ABCG8: variants seen among roughly 807,000 people sequenced by gnomAD.
ABCG8 encodes ATP binding cassette subfamily G member 8.
A neutral mutation model predicts 71.3 loss-of-function variants in ABCG8; 81 were observed. The observed-to-expected ratio is 1.14, with a 90% CI of 0.95 to 1.37. The LOEUF is 1.37. ABCG8 is among the 40% of genes most tolerant of loss of function. The pLI, the probability that ABCG8 is intolerant of heterozygous loss-of-function variation, is 0.00. For missense variants in ABCG8, 1,119 were observed against 866.2 expected, an observed-to-expected ratio of 1.29 and a Z score of -3.66; for synonymous variants, 451 against 354.7, an observed-to-expected ratio of 1.27 and a Z score of -3.05.
At chr2:43,875,558 C>G (rs1669934868) in intron 11 of ABCG8, 145 bp downstream of exon 11, 1 of 1,016,418 alleles carries the variant, frequency 9.8e-7, no homozygotes. Flanking sequence ...TGCCCACTGC[C>G]CTGGAGGCCA....
At chr2:43,842,879 A>G (rs1206161341) in intron 1 of ABCG8, among the ~76,000 whole-genome samples, 1 of 152,026 alleles carries the variant, frequency 6.6e-6, no homozygotes, top group African/African-American at 2.4e-5. Flanking sequence ...CCAGAACTCT[A>G]AGGGTTCCCC....
At position 43,839,125 on chromosome 2, in the gene ABCG8, G is replaced by C. The variant is rs1287572925; in HGVS notation, c.63+9G>C. 29 of 1,551,164 alleles carry C rather than the reference G, an allele frequency of 1.9e-5. No individual in the cohort carries two copies. Among genetic ancestry groups the C allele is most frequent in the Non-Finnish European group, 2.5e-5 (29 of 1,146,750 alleles). On this transcript the variant is annotated intron_variant, in intron 1 of 12. Transcript: ENST00000272286. ...CTCCCCAGGATACCTCGGTGAGTGA[G>C]CAATGGGAAGTCGGCCCAGGCCTGG...
chr2:43,841,125 A>G (rs977843992), intron 1 of ABCG8, among the ~76,000 whole-genome samples: 1 of 152,198 alleles, frequency 6.6e-6, no homozygotes, highest in Non-Finnish European at 1.5e-5. Flanking sequence ...TCAGCCAGGA[A>G]CAAGTCCTGC....
chr2:43,857,607 C>T (rs926448985), intron 6 of ABCG8, among the ~76,000 whole-genome samples: 1 of 151,538 alleles, frequency 6.6e-6, no homozygotes, highest in African/African-American at 2.4e-5. Context: ...TGCTATCTGT[C>T]TGGATAGAAT....
At chr2:43,870,938 CGATAGAACTTTCACCATCTG>C (rs1370485404) in intron 6 of ABCG8, among the ~76,000 whole-genome samples, 3 of 146,130 alleles carry the variant, frequency 2.1e-5, no homozygotes, top group East Asian at 2.0e-4. Context: ...CTTAATAACT[CGATAGAACTTTCACCATCTG>C]GATAGAACTC....
At chr2:43,846,651 G>A (rs1230329563) in intron 3 of ABCG8, 4 of 361,958 alleles carry the variant, frequency 1.1e-5, no homozygotes, top group African/African-American at 8.5e-5. Flanking sequence ...AGCCATGAGG[G>A]GCATTGGTTC....
rs1323953363 is a variant in ABCG8, at chr2:43,877,655, C to T, written c.1851C>T (p.Leu617=). ...QFSRRTYKMP[L]GNLTIAVSGD... Reference sequence around the variant, plus strand: ...GCAGAAGAACTTATAAAATGCCTCTCGGGAACCTCACCATCGCGGTCTCAG... The same window carrying T: ...GCAGAAGAACTTATAAAATGCCTCTTGGGAACCTCACCATCGCGGTCTCAG... Residue 617 remains leucine, a synonymous_variant, in exon 12 of 13, where the codon CTC becomes CTT. Coordinates refer to ENST00000272286, the MANE Select transcript of ABCG8 (RefSeq NM_022437.3). The T allele has an allele frequency of 3.1e-6, 5 of 1,613,980 alleles. No individual in the cohort carries two copies. Among genetic ancestry groups the T allele is most frequent in the African/African-American group, 2.7e-5 (2 of 74,866 alleles).
At chr2:43,874,125 A>T in intron 9 of ABCG8, 139 bp downstream of exon 9, 1 of 989,136 alleles carries the variant, frequency 1.0e-6, no homozygotes, top group Non-Finnish European at 1.6e-6. Context: ...TTTGCATGTT[A>T]ATATTAGCAT....
At position 43,846,273 on chromosome 2, in the gene ABCG8, T is replaced by C; in HGVS notation, c.284T>C (p.Val95Ala). ...ELGIQNLSFK[V>A]RSGQMLAIIG... is the part of the protein sequence containing the mutation. ...GGCATCCAGAACCTAAGCTTCAAAGTGAGAAGTGGGCAGATGCTGGCCATC... is the reference window on the plus strand; with the variant it reads ...GGCATCCAGAACCTAAGCTTCAAAGCGAGAAGTGGGCAGATGCTGGCCATC... Residue 95 changes from valine (V) to alanine (A), a missense_variant, in exon 3 of 13, where the codon GTG becomes GCG. Val to Ala is a moderately conservative substitution (Grantham distance 64). Coordinates refer to ENST00000272286, the MANE Select transcript of ABCG8 (RefSeq NM_022437.3). 1 of 1,614,124 alleles carries C rather than the reference T, an allele frequency of 6.2e-7. No homozygotes were observed. The highest frequency in any genetic ancestry group is 8.5e-7 in the Non-Finnish European group (1 of 1,180,012).
chr2:43,872,420 T>A (rs992352462), intron 8 of ABCG8, 114 bp downstream of exon 8: 13 of 1,288,098 alleles, frequency 1.0e-5, no homozygotes, highest in Non-Finnish European at 1.3e-5. Flanking sequence ...GGTAGAGTCA[T>A]TTGAAAAAAA....
At position 43,852,708 on chromosome 2, in the gene ABCG8, C is replaced by G. The variant is rs150498881; in HGVS notation, c.804C>G (p.Ser268=). 5.1e-5 allele frequency: 82 copies of G among 1,614,054 alleles called. No individual in the cohort carries two copies. Among genetic ancestry groups the G allele is most frequent in the Non-Finnish European group, 6.8e-5 (80 of 1,180,036 alleles). The change falls in exon 6 of 13, where the codon TCC becomes TCG. Residue 268 remains serine, a synonymous_variant. Coordinates refer to ENST00000272286, the MANE Select transcript of ABCG8 (RefSeq NM_022437.3). ...LAKGNRLVLI[S]LHQPRSDIFR... Reference sequence around the variant, plus strand: ...AAGGCAACCGGCTGGTGCTCATCTCCCTCCACCAGCCTCGCTCTGACATCT... The same window carrying G: ...AAGGCAACCGGCTGGTGCTCATCTCGCTCCACCAGCCTCGCTCTGACATCT...
At chr2:43,858,228 C>T (rs1669180724) in intron 6 of ABCG8, among the ~76,000 whole-genome samples, 1 of 151,670 alleles carries the variant, frequency 6.6e-6, no homozygotes, top group Non-Finnish European at 1.5e-5. Context: ...CTGGATAGAA[C>T]TCTCACTATC....
Position 43,874,825 on chromosome 2 carries a change from G to A in ABCG8, c.1489-321G>A, listed in dbSNP as rs4148219. On this transcript the variant is annotated intron_variant, in intron 10 of 12. Transcript: ENST00000272286. ...TTTCCAGGAAGCAGAGGTTCAGAGA[G>A]GCTACGTGGCTCTCCAAGGCCACAC... is the stretch of plus-strand genomic sequence containing the variant. Among the ~76,000 whole-genome samples the A allele has an allele frequency of 0.049, 7,518 of 152,248 alleles. 284 individuals are homozygous for A. Among genetic ancestry groups the A allele is most frequent in the Middle Eastern group, 0.14 (41 of 292 alleles).
chr2:43,857,896 C>A (rs75279593), intron 6 of ABCG8, among the ~76,000 whole-genome samples: 4,715 of 151,860 alleles, frequency 0.031, 132 homozygotes, highest in Non-Finnish European at 0.05. Context: ...AGAAGTCTTA[C>A]TATCAATCTG....
In ABCG8 at chr2:43,880,649, AGTGTGT is replaced by A. The variant is rs143392708; in HGVS notation, c.*2746_*2751del. ...GCTCTCTCAGTGAACAGAGTTAGGG[AGTGTGT>A]GTGTGTGTGCGCGCGCGCGCGCGCA... On this transcript the variant is annotated 3_prime_UTR_variant, in exon 13 of 13. Transcript: ENST00000272286. The A allele has an allele frequency of 6.6e-6, 1 of 151,008 alleles. No homozygotes were observed. The highest frequency in any genetic ancestry group is 6.6e-5 in the Admixed American group (1 of 15,150). The allele number at this position is 151,008 out of a possible 1,614,324, so 9.4% of individuals were successfully genotyped here.
At chr2:43,871,457 T>C (rs544773017) in intron 6 of ABCG8, among the ~76,000 whole-genome samples, 2 of 151,974 alleles carry the variant, frequency 1.3e-5, no homozygotes, top group Admixed American at 6.5e-5. Context: ...CCCATCTGGA[T>C]TGAACTCTCG....
In ABCG8 at chr2:43,855,268, C is replaced by G. The variant is rs559063394; in HGVS notation, c.964+2400C>G. On this transcript the variant is annotated intron_variant, in intron 6 of 12. Coordinates refer to ENST00000272286, the MANE Select transcript of ABCG8 (RefSeq NM_022437.3). ...ACTCTCACTATCTGCATAGAATTCT[C>G]ACTCTCTGTATATAACTCTCACTAT... Among the ~76,000 whole-genome samples the G allele has an allele frequency of 4.6e-5, 7 of 152,182 alleles. No homozygotes were observed. In the East Asian group the frequency reaches 1.4e-3, roughly 29 times the overall value.
intron 3 of ABCG8, 69 bp from the exon 4 acceptor site, chr2:43,851,515 G>A: frequency 6.5e-7 from 1 of 1,546,662 alleles, no homozygotes; most frequent in South Asian, 1.1e-5. Flanking sequence ...GAGTGTATGG[G>A]GAGCAGTGGC....
rs1054903388 is a variant in ABCG8, at chr2:43,880,501, C to T, written c.*2588C>T. The T allele has an allele frequency of 4.6e-5, 7 of 152,158 alleles. No individual in the cohort carries two copies. The highest frequency in any genetic ancestry group is 9.7e-5 in the African/African-American group (4 of 41,438). 9.4% of individuals were successfully genotyped at this position (152,158 alleles called of 1,614,324 possible). A position where few individuals can be genotyped will look rare whatever the true frequency, so the allele number is the denominator to read the frequency against. On this transcript the variant is annotated 3_prime_UTR_variant, in exon 13 of 13. Coordinates refer to ENST00000272286, the MANE Select transcript of ABCG8 (RefSeq NM_022437.3). The stretch of plus-strand genomic sequence containing the variant: ...ACAGGTTCATCTTGTATTTTCCCAT[C>T]TCAGCCCTGGAATCCGATGTTTCTC...
Sources: allele counts gnomAD v4.1 joint callset (sites outside exome capture counted in the v4.1 genomes callset), GRCh38; gene constraint gnomAD v4.1.1; transcripts MANE v1.5; gene names NCBI Gene and HGNC (gene_info 2026-07-23, HGNC 2026-07-21).